The following CNTNAP2 variants were observed in gnomAD, a reference collection of about 807,000 sequenced individuals.
The protein encoded by CNTNAP2 is contactin-associated protein-like 2.
Under a neutral mutation model 155.2 loss-of-function variants are expected in CNTNAP2, and 98 were observed. That is an observed-to-expected ratio of 0.63 (90% CI 0.54 to 0.75). The LOEUF is 0.75. Ranked by LOEUF, CNTNAP2 falls within the 30% of genes least tolerant of loss-of-function variation. CNTNAP2 has a pLI of 0.00. For synonymous variants in CNTNAP2, 651 were observed against 631.2 expected (o/e 1.03, Z -0.47); for missense variants, 1,727 against 1,688.1 (o/e 1.02, Z -0.40).
chr7:147,978,212 T>C (rs1021178642), intron 15 of CNTNAP2: 26 of 561,992 alleles, frequency 4.6e-5, no homozygotes, highest in Admixed American at 9.0e-5. Flanking sequence ...CTTTCCTCTA[T>C]ATTCATATGT....
At chr7:146,947,574 TAC>T (rs59680318) in intron 3 of CNTNAP2, among the ~76,000 whole-genome samples, 2,033 of 28,790 alleles carry the variant, frequency 0.071, 73 homozygotes, top group African/African-American at 0.12. Flanking sequence ...TATATATATA[TAC>T]ATATATATAT....
chr7:148,294,168 G>A (rs570326207), intron 21 of CNTNAP2, among the ~76,000 whole-genome samples: 1 of 151,280 alleles, frequency 6.6e-6, no homozygotes, highest in South Asian at 2.1e-4. Context: ...CTACTCATCT[G>A]TGGCCAATAT....
At chr7:147,566,570 T>C (rs1584818679) in intron 12 of CNTNAP2, among the ~76,000 whole-genome samples, 1 of 152,126 alleles carries the variant, frequency 6.6e-6, no homozygotes, top group Non-Finnish European at 1.5e-5. Context: ...GGGAAGCAGA[T>C]GCCTTCTTCA....
chr7:147,138,518 T>C (rs540606139), intron 8 of CNTNAP2, among the ~76,000 whole-genome samples: 1 of 152,104 alleles, frequency 6.6e-6, no homozygotes, highest in Non-Finnish European at 1.5e-5. Flanking sequence ...TTTTATTATA[T>C]ATCAATTCCT....
chr7:146,462,795 A>T (rs1358263871), intron 1 of CNTNAP2, among the ~76,000 whole-genome samples: 3 of 152,208 alleles, frequency 2.0e-5, no homozygotes, highest in African/African-American at 7.2e-5. Context: ...ATGTTGACTT[A>T]GTAGCATTGT....
intron 1 of CNTNAP2, among the ~76,000 whole-genome samples, chr7:146,493,893 G>T (rs926405151): frequency 1.3e-5 from 2 of 152,116 alleles, no homozygotes; most frequent in Non-Finnish European, 2.9e-5. Context: ...GTATGAGGGA[G>T]AAAATAACCA....
intron 1 of CNTNAP2, among the ~76,000 whole-genome samples, chr7:146,681,332 A>G (rs1417327672): frequency 1.4e-5 from 2 of 146,044 alleles, no homozygotes; most frequent in African/African-American, 2.6e-5. Context: ...TTCAGATTAT[A>G]GTTGCTTTGA....
At chr7:147,324,054 T>G (rs1341740055) in intron 9 of CNTNAP2, among the ~76,000 whole-genome samples, 2 of 150,244 alleles carry the variant, frequency 1.3e-5, no homozygotes, top group Non-Finnish European at 3.0e-5. Flanking sequence ...AAAAAAGAAA[T>G]AAGATCATGA....
chr7:147,625,229 C>G (rs1473202833), intron 12 of CNTNAP2, among the ~76,000 whole-genome samples: 1 of 152,080 alleles, frequency 6.6e-6, no homozygotes, highest in African/African-American at 2.4e-5. Context: ...CTTAATTGTA[C>G]ATTTTAAAAT....
chr7:148,301,306 A>AAAAAATATATATATATATATATAT, intron 21 of CNTNAP2, among the ~76,000 whole-genome samples: 9 of 103,844 alleles, frequency 8.7e-5, no homozygotes, highest in African/African-American at 3.4e-4. Flanking sequence ...AAAAAAAAAA[A>AAAAAATATATATATATATATATAT]ATATATATAT....
intron 13 of CNTNAP2, among the ~76,000 whole-genome samples, chr7:147,884,475 G>A (rs1193192825): frequency 7.1e-6 from 1 of 141,230 alleles, no homozygotes; most frequent in Non-Finnish European, 1.5e-5. Flanking sequence ...CAATCAAACT[G>A]ATATCATTTG....
chr7:146,807,866 T>A (rs771801946), intron 2 of CNTNAP2, among the ~76,000 whole-genome samples: 5 of 152,166 alleles, frequency 3.3e-5, no homozygotes, highest in Non-Finnish European at 7.3e-5. Context: ...GTCTGCCCAC[T>A]CCTTCCTTTG....
At chr7:146,455,119 T>A (rs1240183896) in intron 1 of CNTNAP2, among the ~76,000 whole-genome samples, 1 of 152,202 alleles carries the variant, frequency 6.6e-6, no homozygotes, top group Non-Finnish European at 1.5e-5. Context: ...AATTTCCACA[T>A]CTGTACATCC....
intron 2 of CNTNAP2, among the ~76,000 whole-genome samples, chr7:146,811,674 A>G (rs1333536280): frequency 1.3e-5 from 2 of 152,090 alleles, no homozygotes; most frequent in Non-Finnish European, 2.9e-5. Context: ...AAAACTTCTG[A>G]TAAGGTTTAG....
chr7:147,234,463 G>C (rs755715994), intron 8 of CNTNAP2, among the ~76,000 whole-genome samples: 3 of 148,856 alleles, frequency 2.0e-5, no homozygotes, highest in Non-Finnish European at 3.0e-5. Context: ...TCAGCCTCCA[G>C]AGTAGCTGGG....
chr7:146,251,286 G>A (rs1563008500), intron 1 of CNTNAP2, among the ~76,000 whole-genome samples: 1 of 151,946 alleles, frequency 6.6e-6, no homozygotes, highest in African/African-American at 2.4e-5. Context: ...AATAAATTTT[G>A]TTATCTTAAT....
intron 1 of CNTNAP2, among the ~76,000 whole-genome samples, chr7:146,300,544 G>A (rs907261100): frequency 6.6e-6 from 1 of 152,042 alleles, no homozygotes; most frequent in African/African-American, 2.4e-5. Context: ...GTATAAAAAT[G>A]TTATATTTTC....
At chr7:146,674,337 A>C (rs953416680) in intron 1 of CNTNAP2, among the ~76,000 whole-genome samples, 2 of 152,132 alleles carry the variant, frequency 1.3e-5, no homozygotes, top group Non-Finnish European at 2.9e-5. Context: ...GTACTTTCTT[A>C]GTAATATTTT....
chr7:146,207,368 G>A (rs1740530142), intron 1 of CNTNAP2, among the ~76,000 whole-genome samples: 1 of 151,828 alleles, frequency 6.6e-6, no homozygotes, highest in South Asian at 2.1e-4. Context: ...CTTTAATGGG[G>A]ATTAAAATGC....
Sources: gnomAD v4.1 joint callset for allele counts (sites outside exome capture counted in the v4.1 genomes callset) on GRCh38, gnomAD v4.1.1 for gene constraint, MANE v1.5 for transcripts, NCBI Gene and HGNC (gene_info 2026-07-23, HGNC 2026-07-21) for gene names.